Variants in MACC1 observed in about 807,000 individuals in gnomAD.
MACC1 encodes the protein MET transcriptional regulator MACC1.
Under a neutral mutation model 70.7 loss-of-function variants are expected in MACC1, and 79 were observed. That is an observed-to-expected ratio of 1.12 (90% CI 0.93 to 1.35). The LOEUF (loss-of-function observed/expected upper bound fraction) is 1.35. MACC1 is among the 40% of genes most tolerant of loss of function. The probability of loss-of-function intolerance (pLI) is 0.00; values close to 1 mark genes in which losing one functional copy is unlikely to be tolerated. For missense variants in MACC1, 1,106 were observed against 978.1 expected, an observed-to-expected ratio of 1.13 and a Z score of -1.74; for synonymous variants, 361 against 347.2, an observed-to-expected ratio of 1.04 and a Z score of -0.44.
chr7:20,166,992 T>C (rs1782230312), intron 2 of MACC1, among the ~76,000 whole-genome samples: 1 of 152,120 alleles, frequency 6.6e-6, no homozygotes, highest in Non-Finnish European at 1.5e-5. Context: ...GAAGAAAAGG[T>C]ATAAAGGACT....
At chr7:20,204,882 G>A (rs1447961356) in intron 1 of MACC1, among the ~76,000 whole-genome samples, 1 of 152,158 alleles carries the variant, frequency 6.6e-6, no homozygotes, top group African/African-American at 2.4e-5. Flanking sequence ...TATCCAAAAT[G>A]AAGATGACCC....
At chr7:20,145,446 G>A (rs1297681998) in intron 6 of MACC1, among the ~76,000 whole-genome samples, 3 of 151,952 alleles carry the variant, frequency 2.0e-5, no homozygotes, top group Non-Finnish European at 4.4e-5. Flanking sequence ...AGAACAAGCA[G>A]CAGTAGAAAA....
At position 20,140,892 on chromosome 7, in the gene MACC1, C is replaced by CAG. The variant is rs1307464653; in HGVS notation, c.*53_*54insCT. 6 of 1,388,742 alleles carry CAG rather than the reference C, an allele frequency of 4.3e-6. No individual in the cohort carries two copies. The highest frequency in any genetic ancestry group is 3.8e-5 in the South Asian group (3 of 78,508). The allele number at this position is 1,388,742 out of a possible 1,614,324, so 86.0% of individuals were successfully genotyped here. The stretch of plus-strand genomic sequence containing the variant: ...ACACACAGACACACACAGACACACA[C>CAG]ACACACACACCATTACCTCATTTTC... On this transcript the variant is annotated 3_prime_UTR_variant, in exon 7 of 7. Transcript: ENST00000400331.
chr7:20,172,297 C>G (rs1261034096), intron 1 of MACC1, among the ~76,000 whole-genome samples: 1 of 152,164 alleles, frequency 6.6e-6, no homozygotes, highest in Non-Finnish European at 1.5e-5. Context: ...AAAATCCAAA[C>G]CTCTCAGTCC....
In MACC1 at chr7:20,149,315, T is replaced by G. The variant is rs553736177; in HGVS notation, c.2346+4878A>C. Among the ~76,000 whole-genome samples, 9 of 152,318 alleles carry G rather than the reference T, an allele frequency of 5.9e-5. No homozygotes were observed. In the South Asian group the frequency reaches 1.9e-3, roughly 32 times the overall value. On this transcript the variant is annotated intron_variant, in intron 6 of 6. Coordinates refer to ENST00000400331, the MANE Select transcript of MACC1 (RefSeq NM_182762.4). Reference sequence around the variant, plus strand: ...TTTTATTCTATTTTCCAAAAATTACTCAAAGTTATATAGTTATCAAATTCA... The same window carrying G: ...TTTTATTCTATTTTCCAAAAATTACGCAAAGTTATATAGTTATCAAATTCA...
intron 1 of MACC1, among the ~76,000 whole-genome samples, chr7:20,208,494 G>C (rs905111159): frequency 6.6e-6 from 1 of 152,198 alleles, no homozygotes; most frequent in Non-Finnish European, 1.5e-5. Context: ...TTTTAGCAAA[G>C]AGACTGGCAG....
intron 1 of MACC1, among the ~76,000 whole-genome samples, chr7:20,212,867 G>A (rs1002707979): frequency 6.6e-6 from 1 of 152,018 alleles, no homozygotes; most frequent in Non-Finnish European, 1.5e-5. Context: ...TCTGGCCCAG[G>A]GAGTTTTCAA....
chr7:20,181,929 A>C (rs569063021), intron 1 of MACC1, among the ~76,000 whole-genome samples: 1 of 152,296 alleles, frequency 6.6e-6, no homozygotes, highest in South Asian at 2.1e-4. Flanking sequence ...TAGGAGGTCA[A>C]ATAAAAGATA....
intron 1 of MACC1, among the ~76,000 whole-genome samples, chr7:20,171,909 G>C (rs943900090): frequency 1.3e-5 from 2 of 152,168 alleles, no homozygotes; most frequent in African/African-American, 4.8e-5. Flanking sequence ...TGAGTTACAA[G>C]AAGTCTGGAG....
intron 1 of MACC1, among the ~76,000 whole-genome samples, chr7:20,208,623 T>A (rs913651387): frequency 2.0e-5 from 3 of 152,098 alleles, no homozygotes; most frequent in African/African-American, 7.2e-5. Flanking sequence ...CGCATAAAAG[T>A]TTGGAAAATG....
chr7:20,159,100 C>G lies in MACC1; in HGVS notation c.1261G>C (p.Gly421Arg). 1 of 1,613,416 alleles carries G rather than the reference C, an allele frequency of 6.2e-7. No homozygotes were observed. Among genetic ancestry groups the G allele is most frequent in the Non-Finnish European group, 8.5e-7 (1 of 1,179,904 alleles). The change falls in exon 5 of 7, where the codon GGG (glycine) becomes CGG (arginine). Residue 421 changes from glycine (G) to arginine (R), a missense_variant. Physicochemically the swap from Gly to Arg is moderately radical, Grantham distance 125. Transcript: ENST00000400331. ...NISPVVFQLW[G>R]KQSFLLDKPQ... ...TTGTCAAGTAAAAATGACTGCTTCC[C>G]CCAGAGCTGAAACACAACTGGAGAT...
At chr7:20,197,417 T>G (rs1285762398) in intron 1 of MACC1, among the ~76,000 whole-genome samples, 2 of 152,200 alleles carry the variant, frequency 1.3e-5, no homozygotes, top group African/African-American at 4.8e-5. Flanking sequence ...TGGCTTTGTG[T>G]TTTTTGTATG....
At chr7:20,210,647 T>G (rs1782981605) in intron 1 of MACC1, among the ~76,000 whole-genome samples, 1 of 152,190 alleles carries the variant, frequency 6.6e-6, no homozygotes, top group South Asian at 2.1e-4. Context: ...AATCTTTTTC[T>G]TTTCATATTT....
At chr7:20,179,325 T>C (rs1199056552) in intron 1 of MACC1, among the ~76,000 whole-genome samples, 1 of 152,248 alleles carries the variant, frequency 6.6e-6, no homozygotes, top group African/African-American at 2.4e-5. Context: ...GTCCACTTAA[T>C]AATTATGGCT....
At chr7:20,165,694 A>ATT (rs34149819) in intron 2 of MACC1, among the ~76,000 whole-genome samples, 15 of 149,070 alleles carry the variant, frequency 1.0e-4, no homozygotes, top group Admixed American at 9.4e-4. Flanking sequence ...CCAAAACAGG[A>ATT]TTTTTTTTTT....
rs1781856414 is a variant in MACC1, at chr7:20,144,432, C to T, written c.2347-3274G>A. The stretch of plus-strand genomic sequence containing the variant: ...GAAAGATAGGTTTGGGTGGCAGAGT[C>T]CTGTGTCTACATCTGAGTTCTGTTG... On this transcript the variant is annotated intron_variant, in intron 6 of 6. Coordinates refer to ENST00000400331, the MANE Select transcript of MACC1 (RefSeq NM_182762.4). Among the ~76,000 whole-genome samples, 3 of 152,220 alleles carry T rather than the reference C, an allele frequency of 2.0e-5. No individual in the cohort carries two copies. In the South Asian group the frequency reaches 6.2e-4, roughly 32 times the overall value.
intron 1 of MACC1, among the ~76,000 whole-genome samples, chr7:20,186,330 T>C (rs2128106498): frequency 6.6e-6 from 1 of 152,308 alleles, no homozygotes; most frequent in South Asian, 2.1e-4. Context: ...GATTGGATAC[T>C]TTCAACAGAA....
intron 1 of MACC1, among the ~76,000 whole-genome samples, chr7:20,202,771 G>A (rs902111937): frequency 1.3e-5 from 2 of 152,108 alleles, no homozygotes; most frequent in Non-Finnish European, 2.9e-5. Flanking sequence ...AAATTGAATC[G>A]TTAATTTTCA....
At position 20,206,389 on chromosome 7, in the gene MACC1, G is replaced by A. The variant is rs115721914; in HGVS notation, c.-218+10910C>T. On this transcript the variant is annotated intron_variant, in intron 1 of 6. Coordinates refer to ENST00000400331, the MANE Select transcript of MACC1 (RefSeq NM_182762.4). ...ATTTTATTTGGCATTGCTGTGACAT[G>A]TGACACTGTTAGCTCTTCCCTTCTT... Among the ~76,000 whole-genome samples, 630 of 152,220 alleles carry A rather than the reference G, an allele frequency of 4.1e-3. 8 individuals carry two copies. The highest frequency in any genetic ancestry group is 0.014 in the African/African-American group (593 of 41,550).
Sources: allele counts gnomAD v4.1 joint callset (sites outside exome capture counted in the v4.1 genomes callset), GRCh38; gene constraint gnomAD v4.1.1; transcripts MANE v1.5; gene names NCBI Gene and HGNC (gene_info 2026-07-23, HGNC 2026-07-21).